Variants in PAM observed in about 807,000 individuals in gnomAD.
PAM encodes the protein peptidylglycine alpha-amidating monooxygenase, also known as peptidyl-glycine alpha-amidating monooxygenase.
A neutral mutation model predicts 122.1 loss-of-function variants in PAM; 72 were observed. The ratio of observed to expected loss-of-function variants is 0.59; its 90% CI spans 0.49 to 0.72. PAM has a LOEUF of 0.72. Ranked by LOEUF, PAM falls within the 30% of genes least tolerant of loss-of-function variation. PAM has a pLI of 0.00. For synonymous variants in PAM, 389 were observed against 404.4 expected (o/e 0.96, Z 0.46); for missense variants, 1,106 against 1,183.7 (o/e 0.93, Z 0.96).
At chr5:102,968,339 C>T (rs1011911091) in intron 14 of PAM, among the ~76,000 whole-genome samples, 1 of 152,142 alleles carries the variant, frequency 6.6e-6, no homozygotes, top group African/African-American at 2.4e-5. Flanking sequence ...GTCATTCTGA[C>T]CGTCTCCTTC....
intron 12 of PAM, among the ~76,000 whole-genome samples, chr5:102,956,305 G>A (rs1298999139): frequency 2.6e-5 from 4 of 152,012 alleles, no homozygotes; most frequent in Non-Finnish European, 4.4e-5. Context: ...GTGCATGTGT[G>A]TACACACATA....
chr5:102,778,213 T>C (rs570837819), intron 1 of PAM, among the ~76,000 whole-genome samples: 1 of 152,316 alleles, frequency 6.6e-6, no homozygotes, highest in Non-Finnish European at 1.5e-5. Context: ...TCCCCTGTAA[T>C]ACTTGCATTT....
intron 1 of PAM, among the ~76,000 whole-genome samples, chr5:102,785,079 T>G (rs147808438): frequency 1.3e-5 from 2 of 152,256 alleles, no homozygotes; most frequent in African/African-American, 4.8e-5. Context: ...TTTTATACTT[T>G]AAGTTCTGGG....
At chr5:103,010,986 A>T (rs954743770) in intron 21 of PAM, among the ~76,000 whole-genome samples, 1 of 152,288 alleles carries the variant, frequency 6.6e-6, no homozygotes, top group African/African-American at 2.4e-5. Flanking sequence ...ATTATTCAGT[A>T]TAGTCACACT....
At chr5:102,768,426 C>T (rs62362465) in intron 1 of PAM, among the ~76,000 whole-genome samples, 1 of 151,986 alleles carries the variant, frequency 6.6e-6, no homozygotes, top group African/African-American at 2.4e-5. Context: ...TGTGCTATCA[C>T]GTACTAGATC....
At chr5:102,925,756 T>A (rs73778404) in intron 6 of PAM, among the ~76,000 whole-genome samples, 2 of 151,854 alleles carry the variant, frequency 1.3e-5, no homozygotes, top group African/African-American at 4.8e-5. Context: ...TTTGTTGACA[T>A]ACATTGGTAG....
At chr5:102,960,561 G>A (rs982689069) in intron 13 of PAM, among the ~76,000 whole-genome samples, 1 of 151,876 alleles carries the variant, frequency 6.6e-6, no homozygotes, top group Non-Finnish European at 1.5e-5. Context: ...CTAATTCTCA[G>A]AATTGTTATT....
intron 1 of PAM, among the ~76,000 whole-genome samples, chr5:102,817,449 T>C (rs1185697406): frequency 6.6e-6 from 1 of 152,184 alleles, no homozygotes; most frequent in Admixed American, 6.5e-5. Flanking sequence ...CAATATTTCA[T>C]TAATAATTTT....
At chr5:102,940,115 T>TAC (rs66466018) in intron 7 of PAM, among the ~76,000 whole-genome samples, 14,979 of 134,324 alleles carry the variant, frequency 0.11, 887 homozygotes, top group African/African-American at 0.18. Flanking sequence ...TATGTATACA[T>TAC]ACACACACAC....
intron 1 of PAM, among the ~76,000 whole-genome samples, chr5:102,833,913 G>A (rs2150473686): frequency 6.6e-6 from 1 of 152,204 alleles, no homozygotes; most frequent in East Asian, 1.9e-4. Context: ...CAAACATTAT[G>A]TGTTTGTGGA....
intron 3 of PAM, among the ~76,000 whole-genome samples, chr5:102,887,478 T>C (rs990297209): frequency 6.6e-6 from 1 of 151,986 alleles, no homozygotes; most frequent in Non-Finnish European, 1.5e-5. Flanking sequence ...TCAGGTATTC[T>C]GTTATAGGAA....
At chr5:102,791,639 A>C (rs1762089207) in intron 1 of PAM, among the ~76,000 whole-genome samples, 1 of 152,122 alleles carries the variant, frequency 6.6e-6, no homozygotes. Flanking sequence ...AGTGTTACTG[A>C]AGAAAAAATA....
chr5:102,930,243 T>A (rs1751012784), intron 7 of PAM, among the ~76,000 whole-genome samples: 1 of 152,158 alleles, frequency 6.6e-6, no homozygotes, highest in Non-Finnish European at 1.5e-5. Context: ...GTTTATTGTA[T>A]TCTAGTAGGT....
chr5:102,882,293 A>G (rs1791537588), intron 3 of PAM, among the ~76,000 whole-genome samples: 1 of 151,122 alleles, frequency 6.6e-6, no homozygotes, highest in African/African-American at 2.4e-5. Context: ...TAAGGAATCT[A>G]CACACTGTTT....
intron 1 of PAM, among the ~76,000 whole-genome samples, chr5:102,790,252 T>C (rs904833848): frequency 1.3e-5 from 2 of 152,120 alleles, no homozygotes; most frequent in African/African-American, 4.8e-5. Flanking sequence ...TAGGAGATTA[T>C]GGAAACGAAT....
intron 1 of PAM, among the ~76,000 whole-genome samples, chr5:102,755,961 C>T (rs1402800009): frequency 6.6e-6 from 1 of 152,098 alleles, no homozygotes; most frequent in African/African-American, 2.4e-5. Flanking sequence ...GGGCGAAGGG[C>T]GATCTCCAAG....
intron 1 of PAM, among the ~76,000 whole-genome samples, chr5:102,819,801 G>A (rs1328210052): frequency 6.6e-6 from 1 of 152,128 alleles, no homozygotes; most frequent in Non-Finnish European, 1.5e-5. Context: ...TACCCTGGAT[G>A]GTTATGCTAT....
chr5:102,913,961 A>G lies in PAM; in HGVS notation c.296A>G (p.Asp99Gly). The G allele has an allele frequency of 1.2e-6, 2 of 1,607,332 alleles. No homozygotes were observed. The highest frequency in any genetic ancestry group is 8.5e-7 in the Non-Finnish European group (1 of 1,174,126). Reference sequence around the variant, plus strand: ...GACTTCAAGCCTCGAGCCAGCATGGATACTGTCCATCACATGTTACTTTTT... The same window carrying G: ...GACTTCAAGCCTCGAGCCAGCATGGGTACTGTCCATCACATGTTACTTTTT... ...VIDFKPRASM[D>G]TVHHMLLFGC... is the part of the protein sequence containing the mutation. The change falls in exon 5 of 26, where the codon GAT becomes GGT. Residue 99 changes from aspartate (D) to glycine (G), a missense_variant. Coordinates refer to ENST00000438793, the MANE Select transcript of PAM (RefSeq NM_001177306.2).
At position 102,974,139 on chromosome 5, in the gene PAM, A is replaced by G. The variant is rs1562095241; in HGVS notation, c.1186A>G (p.Lys396Glu). 1 of 1,613,046 alleles carries G rather than the reference A, an allele frequency of 6.2e-7. No individual in the cohort carries two copies. Among genetic ancestry groups the G allele is most frequent in the African/African-American group, 1.3e-5 (1 of 74,852 alleles). Residue 396 changes from lysine (K) to glutamate (E), a missense_variant, in exon 15 of 26, where the codon AAG becomes GAG. Lys to Glu is a moderately conservative substitution (Grantham distance 56). Coordinates refer to ENST00000438793, the MANE Select transcript of PAM (RefSeq NM_001177306.2). ...AGGTGATTTCTATTCACTACTTTCC[A>G]AGCTGCTAGGAGAAAGGGAAGATGT... ...DQGDFYSLLS[K>E]LLGEREDVVH... is the part of the protein sequence containing the mutation.
Sources: allele counts gnomAD v4.1 joint callset (sites outside exome capture counted in the v4.1 genomes callset), GRCh38; gene constraint gnomAD v4.1.1; transcripts MANE v1.5; gene names NCBI Gene and HGNC (gene_info 2026-07-23, HGNC 2026-07-21).